The following ARMC3 variants were observed in gnomAD, a reference collection of about 807,000 sequenced individuals.
ARMC3 encodes the protein armadillo repeat containing 3.
Under a neutral mutation model 90.3 loss-of-function variants are expected in ARMC3, and 74 were observed. The observed-to-expected ratio is 0.82, with a 90% confidence interval of 0.68 to 0.99. ARMC3 has a LOEUF of 0.99. Among genes scored for constraint, ARMC3 ranks in the 50% least tolerant of loss-of-function variants. The pLI is 0.00. For missense variants in ARMC3, 958 were observed against 1,042.8 expected (o/e 0.92, Z 1.12); for synonymous variants, 334 against 361.8 (o/e 0.92, Z 0.87).
intron 11 of ARMC3, among the ~76,000 whole-genome samples, chr10:22,998,617 T>C (rs1239880419): frequency 1.3e-5 from 2 of 152,220 alleles, no homozygotes; most frequent in African/African-American, 2.4e-5. Flanking sequence ...TCTAAGTATA[T>C]ACCTAAGAGA....
intron 6 of ARMC3, 67 bp from the exon 7 acceptor site, chr10:22,961,817 G>A (rs1037884165): frequency 6.9e-5 from 92 of 1,325,264 alleles, no homozygotes; most frequent in South Asian, 4.4e-4. Flanking sequence ...TTAGAAAACA[G>A]AATTTCTCCA....
intron 2 of ARMC3, among the ~76,000 whole-genome samples, chr10:22,944,813 C>T (rs1834463157): frequency 6.6e-6 from 1 of 152,142 alleles, no homozygotes; most frequent in Admixed American, 6.6e-5. Context: ...AGCCAGCATC[C>T]CAGCCATTCC....
chr10:22,981,772 A>G (rs1836202976), intron 10 of ARMC3, 72 bp downstream of exon 10: 3 of 1,278,878 alleles, frequency 2.3e-6, no homozygotes, highest in Non-Finnish European at 3.4e-6. Flanking sequence ...TCCTGTTAGT[A>G]TATTGACTTT....
chr10:22,935,989 A>T (rs1158976304), intron 2 of ARMC3, among the ~76,000 whole-genome samples: 1 of 152,174 alleles, frequency 6.6e-6, no homozygotes, highest in African/African-American at 2.4e-5. Context: ...TTGAAATAGA[A>T]ATTGTGAAAG....
At chr10:23,014,019 G>A in intron 16 of ARMC3, 1 of 1,499,874 alleles carries the variant, frequency 6.7e-7, no homozygotes, top group Non-Finnish European at 9.1e-7. Context: ...TGTCCAGGGA[G>A]AACAAATATA....
At chr10:22,962,203 A>C (rs1691805221) in intron 7 of ARMC3, 125 bp downstream of exon 7, 6 of 667,050 alleles carry the variant, frequency 9.0e-6, no homozygotes, top group South Asian at 4.8e-5. Context: ...TTGCTACATA[A>C]AGTTTATTGG....
intron 8 of ARMC3, among the ~76,000 whole-genome samples, chr10:22,975,482 T>C (rs910472601): frequency 1.3e-5 from 2 of 152,124 alleles, no homozygotes; most frequent in African/African-American, 4.8e-5. Context: ...GGACAATCAC[T>C]TGAACCTAGG....
chr10:22,931,735 A>G (rs1001065888), intron 1 of ARMC3, among the ~76,000 whole-genome samples: 1 of 152,216 alleles, frequency 6.6e-6, no homozygotes, highest in Non-Finnish European at 1.5e-5. Context: ...AAGTTATGCC[A>G]CTAATATATT....
At position 22,981,609 on chromosome 10, in the gene ARMC3, A is replaced by T; in HGVS notation, c.1084A>T (p.Ile362Phe). 1 of 1,614,104 alleles carries T rather than the reference A, an allele frequency of 6.2e-7. No homozygotes were observed. Among genetic ancestry groups the T allele is most frequent in the Non-Finnish European group, 8.5e-7 (1 of 1,179,992 alleles). Reference protein sequence around the residue: ...FFNNQGIPQLIQLLKSDNEEV... With the variant: ...FFNNQGIPQLFQLLKSDNEEV... Reference sequence around the variant, plus strand: ...TCTTTCTGTAGGGATTCCACAGTTAATTCAGTTGCTAAAAAGTGACAATGA... The same window carrying T: ...TCTTTCTGTAGGGATTCCACAGTTATTTCAGTTGCTAAAAAGTGACAATGA... The change falls in exon 10 of 19, where the codon ATT (isoleucine) becomes TTT (phenylalanine). Residue 362 changes from isoleucine to phenylalanine, a missense_variant. Ile to Phe is a conservative substitution (Grantham distance 21). Coordinates refer to ENST00000298032, the MANE Select transcript of ARMC3 (RefSeq NM_173081.5).
intron 8 of ARMC3, 42 bp downstream of exon 8, chr10:22,968,531 GCT>G: frequency 6.7e-7 from 1 of 1,493,298 alleles, no homozygotes; most frequent in Non-Finnish European, 9.0e-7. Context: ...ATAGGATCTT[GCT>G]CTGTTTCTCA....
At chr10:22,950,310 T>G (rs1834694893) in intron 3 of ARMC3, among the ~76,000 whole-genome samples, 1 of 151,926 alleles carries the variant, frequency 6.6e-6, no homozygotes, top group African/African-American at 2.4e-5. Flanking sequence ...AACATATGTA[T>G]AAATAAAATA....
chr10:22,934,996 T>C (rs974135401), intron 2 of ARMC3, among the ~76,000 whole-genome samples: 8 of 152,182 alleles, frequency 5.3e-5, no homozygotes, highest in Non-Finnish European at 1.0e-4. Context: ...TTTGCAAGCA[T>C]GGAAATTGTA....
chr10:22,969,359 C>T (rs575498271), intron 8 of ARMC3, among the ~76,000 whole-genome samples: 7 of 152,180 alleles, frequency 4.6e-5, no homozygotes, highest in Admixed American at 1.3e-4. Context: ...TCTTATTTTT[C>T]CCCTTCTGCA....
intron 4 of ARMC3, among the ~76,000 whole-genome samples, chr10:22,957,241 C>T (rs904069151): frequency 7.9e-5 from 12 of 152,170 alleles, no homozygotes; most frequent in African/African-American, 2.9e-4. Context: ...CCTCCTTATT[C>T]CTTGTCCAGC....
intron 16 of ARMC3, among the ~76,000 whole-genome samples, chr10:23,021,042 T>A (rs555105694): frequency 6.6e-6 from 1 of 152,308 alleles, no homozygotes; most frequent in East Asian, 1.9e-4. Flanking sequence ...TAGCTTCCAC[T>A]TATAACTGAG....
At chr10:22,965,443 C>T (rs1835403652) in intron 7 of ARMC3, among the ~76,000 whole-genome samples, 1 of 152,122 alleles carries the variant, frequency 6.6e-6, no homozygotes, top group Non-Finnish European at 1.5e-5. Flanking sequence ...CGTGATGTGT[C>T]ACTTTTCTTT....
At chr10:23,002,089 A>C in intron 12 of ARMC3, 34 bp downstream of exon 12, 1 of 1,609,228 alleles carries the variant, frequency 6.2e-7, no homozygotes, top group Non-Finnish European at 8.5e-7. Flanking sequence ...TCTGGCTCAG[A>C]TGAAGAGCAG....
At chr10:22,947,747 C>A (rs982291656) in intron 3 of ARMC3, among the ~76,000 whole-genome samples, 1 of 152,142 alleles carries the variant, frequency 6.6e-6, no homozygotes, top group Non-Finnish European at 1.5e-5. Context: ...GAAACTGGGT[C>A]TGAGGTATGT....
intron 18 of ARMC3, 135 bp downstream of exon 18, chr10:23,033,158 AGTGT>A: frequency 1.2e-6 from 1 of 815,330 alleles, no homozygotes; most frequent in Non-Finnish European, 1.9e-6. Flanking sequence ...TCTACATATA[AGTGT>A]ATATATACTT....
Sources: gnomAD v4.1 joint callset for allele counts (sites outside exome capture counted in the v4.1 genomes callset) on GRCh38, gnomAD v4.1.1 for gene constraint, MANE v1.5 for transcripts, NCBI Gene and HGNC (gene_info 2026-07-23, HGNC 2026-07-21) for gene names.